The following METTL22 variants were observed in gnomAD, a reference collection of about 807,000 sequenced individuals.
METTL22 encodes methyltransferase-like protein 22.
Under a neutral mutation model 48.4 loss-of-function variants are expected in METTL22, and 51 were observed. That is an observed-to-expected ratio of 1.05 (90% CI 0.84 to 1.33). The LOEUF (loss-of-function observed/expected upper bound fraction) is 1.33. Among genes scored for constraint, METTL22 ranks in the 40% most tolerant of loss-of-function variants. METTL22 has a pLI of 0.00. For synonymous variants in METTL22, 255 were observed against 214.1 expected (o/e 1.19, Z -1.67); for missense variants, 678 against 526.9 (o/e 1.29, Z -2.81).
chr16:8,661,695 A>G, the METTL22 span, among the ~76,000 whole-genome samples: 32 of 141,522 alleles, frequency 2.3e-4, 3 homozygotes, highest in Non-Finnish European at 4.2e-4. Context: ...CTGCCCAACA[A>G]CTTTGTACTC....
chr16:8,632,670 C>T (rs2056303668), intron 3 of METTL22, among the ~76,000 whole-genome samples: 1 of 152,208 alleles, frequency 6.6e-6, no homozygotes, highest in Non-Finnish European at 1.5e-5. Context: ...CTCTCAGAAG[C>T]GCTGTCTGGT....
At chr16:8,663,969 C>T in the METTL22 span, among the ~76,000 whole-genome samples, 367 of 152,234 alleles carry the variant, frequency 2.4e-3, 2 homozygotes, top group Non-Finnish European at 4.6e-3. Context: ...CTCCCACCCC[C>T]GACCACAGTC....
intron 9 of METTL22, among the ~76,000 whole-genome samples, chr16:8,643,928 T>A (rs939055095): frequency 6.6e-6 from 1 of 152,146 alleles, no homozygotes; most frequent in Non-Finnish European, 1.5e-5. Context: ...CTGTTCTTAC[T>A]CCTGTTGCAT....
intron 2 of METTL22, among the ~76,000 whole-genome samples, chr16:8,627,590 C>A (rs2056104229): frequency 6.6e-6 from 1 of 152,282 alleles, no homozygotes. Flanking sequence ...ATACAAACTG[C>A]AGCCTGTGAG....
chr16:8,646,409 GT>G lies in METTL22; in HGVS notation c.*268del. 1.5e-6 allele frequency: 1 copy of G among 674,156 alleles called. No individual in the cohort carries two copies. The highest frequency in any genetic ancestry group is 1.8e-5 in the African/African-American group (1 of 56,764). The allele number at this position is 674,156 out of a possible 1,614,324, so 41.8% of individuals were successfully genotyped here. The stretch of plus-strand genomic sequence containing the variant: ...GTGCTCCAGGGTCAAGCCGAGCCAC[GT>G]TCCTTCTCAGCTCAGTTCCACCCAC... On this transcript the variant is annotated 3_prime_UTR_variant, in exon 11 of 11. Transcript: ENST00000381920.
Position 8,644,722 on chromosome 16 carries a change from A to G in METTL22, c.1176A>G (p.Gln392=), listed in dbSNP as rs1641067. The G allele has an allele frequency of 1, 1,578,357 of 1,582,036 alleles. 787,429 individuals are homozygous for G. The highest frequency in any genetic ancestry group is 1 in the East Asian group (43,780 of 43,780). The change falls in exon 10 of 11, where the codon CAA becomes CAG. Residue 392 remains glutamine (Q), a synonymous_variant. Coordinates refer to ENST00000381920, the MANE Select transcript of METTL22 (RefSeq NM_024109.4). ...PQLLVYERLQ[Q]LELWKIIAEP... ...TCCTGGTTTACGAGCGCCTCCAGCAACTGGTAGGTCCAGGCCCCGAAGCAG... is the reference window on the plus strand; with the variant it reads ...TCCTGGTTTACGAGCGCCTCCAGCAGCTGGTAGGTCCAGGCCCCGAAGCAG...
chr16:8,656,298 T>C, the METTL22 span, among the ~76,000 whole-genome samples: 10 of 152,238 alleles, frequency 6.6e-5, no homozygotes, highest in Non-Finnish European at 1.5e-4. Flanking sequence ...TTGACATGTA[T>C]GTAGCAGGAT....
intron 5 of METTL22, 94 bp downstream of exon 5, chr16:8,635,406 G>T: frequency 4.9e-6 from 7 of 1,422,742 alleles, no homozygotes; most frequent in Non-Finnish European, 6.5e-6. Context: ...ACTGGAAATT[G>T]GATGTTAGCT....
At chr16:8,661,104 C>T in the METTL22 span, among the ~76,000 whole-genome samples, 88,491 of 151,840 alleles carry the variant, frequency 0.58, 27,932 homozygotes, top group East Asian at 0.89. Flanking sequence ...CCTTGCGTCC[C>T]TGCTGGCCCC....
intron 5 of METTL22, among the ~76,000 whole-genome samples, chr16:8,636,518 C>A (rs566744286): frequency 1.1e-3 from 32 of 28,138 alleles, no homozygotes; most frequent in African/African-American, 3.5e-3. Flanking sequence ...GAGACTCTGT[C>A]TCAAAAAAAA....
the METTL22 span, among the ~76,000 whole-genome samples, chr16:8,665,356 C>T: frequency 2.4e-4 from 37 of 152,148 alleles, no homozygotes; most frequent in South Asian, 2.1e-3. Flanking sequence ...TGAGAAGGAA[C>T]GGTGGGTCTG....
Position 8,642,137 on chromosome 16 carries a change from C to T in METTL22, c.837C>T (p.Val279=), listed in dbSNP as rs1056946525. 2.5e-6 allele frequency: 4 copies of T among 1,612,850 alleles called. No individual in the cohort carries two copies. Among genetic ancestry groups the T allele is most frequent in the Non-Finnish European group, 3.4e-6 (4 of 1,178,950 alleles). Residue 279 remains valine (V), a synonymous_variant, in exon 8 of 11, where the codon GTC becomes GTT. Transcript: ENST00000381920. ...TTTGTTCTTTCTTAGATCCCAAGGT[C>T]CCCTTCAGTTGGTCACAAGAGGAAA... The part of the protein sequence containing the change: ...LKDDLCTDPK[V]PFSWSQEEIS...
intron 3 of METTL22, chr16:8,631,413 C>T (rs1005080065): frequency 3.3e-5 from 5 of 152,212 alleles, no homozygotes; most frequent in East Asian, 1.9e-4. Flanking sequence ...TTCTGAGTCC[C>T]GTGCCTTCCT....
intron 3 of METTL22, among the ~76,000 whole-genome samples, chr16:8,633,516 G>C (rs556920219): frequency 6.6e-6 from 1 of 152,314 alleles, no homozygotes; most frequent in African/African-American, 2.4e-5. Flanking sequence ...TTAGGTGGCA[G>C]GGTCACTTGA....
At position 8,635,053 on chromosome 16, in the gene METTL22, A is replaced by G. The variant is rs1459322991; in HGVS notation, c.529A>G (p.Thr177Ala). ...GTCCCATCCAGAGCACACCATGGCC[A>G]CGCCCCTGGAGGATGTTGGCAAGCA... ...DIIRIEHTMA[T>A]PLEDVGKQVW... is the part of the protein sequence containing the mutation. Residue 177 changes from threonine (T) to alanine (A), a missense_variant, in exon 4 of 11, where the codon ACG becomes GCG. Thr to Ala is a moderately conservative substitution (Grantham distance 58). Transcript: ENST00000381920. 1.2e-6 allele frequency: 2 copies of G among 1,613,642 alleles called. No individual in the cohort carries two copies. The highest frequency in any genetic ancestry group is 2.2e-5 in the South Asian group (2 of 91,040).
At chr16:8,653,731 T>A (rs1309690082), downstream of METTL22, among the ~76,000 whole-genome samples, 1 of 140,718 alleles carries the variant, frequency 7.1e-6, no homozygotes, top group African/African-American at 2.7e-5. Flanking sequence ...CCATACATAG[T>A]AAAGCCTTAA....
At chr16:8,627,255 G>C (rs57458565) in intron 2 of METTL22, among the ~76,000 whole-genome samples, 1,901 of 152,222 alleles carry the variant, frequency 0.012, 47 homozygotes, top group African/African-American at 0.044. Flanking sequence ...AGGTTCCTCA[G>C]CTTGGTCTGT....
chr16:8,657,144 T>C, the METTL22 span, among the ~76,000 whole-genome samples: 1 of 152,114 alleles, frequency 6.6e-6, no homozygotes, highest in Non-Finnish European at 1.5e-5. Context: ...TACAGCAAGA[T>C]AAGAGAGGAA....
chr16:8,651,228 A>G (rs1209068075), downstream of METTL22, among the ~76,000 whole-genome samples: 4 of 151,570 alleles, frequency 2.6e-5, no homozygotes, highest in Non-Finnish European at 5.9e-5. Context: ...TCTACTAAAA[A>G]TACAAAAAAT....
Sources: allele counts gnomAD v4.1 joint callset (sites outside exome capture counted in the v4.1 genomes callset), GRCh38; gene constraint gnomAD v4.1.1; transcripts MANE v1.5; gene names NCBI Gene and HGNC (gene_info 2026-07-23, HGNC 2026-07-21).